The following FREM1 variants were observed in gnomAD, a reference collection of about 807,000 sequenced individuals.
FREM1 encodes FRAS1-related extracellular matrix protein 1.
Under a neutral mutation model 210.1 loss-of-function variants are expected in FREM1, and 220 were observed. The observed-to-expected ratio is 1.05, with a 90% CI of 0.94 to 1.17. The LOEUF is 1.17. Among genes scored for constraint, FREM1 ranks in the 50% most tolerant of loss-of-function variants. The probability of loss-of-function intolerance (pLI) is 0.00; values close to 1 mark genes in which losing one functional copy is unlikely to be tolerated. For missense variants in FREM1, 3,454 were observed against 2,675.5 expected (o/e 1.29, Z -6.42); for synonymous variants, 1,189 against 980.2 (o/e 1.21, Z -3.98).
chr9:14,860,560 C>CATATATATATACACAT (rs1352930508), intron 3 of FREM1, among the ~76,000 whole-genome samples: 14 of 102,562 alleles, frequency 1.4e-4, no homozygotes, highest in African/African-American at 4.8e-4. Context: ...TATATACACA[C>CATATATATATACACAT]ATATATATAC....
chr9:14,848,658 G>C lies in FREM1; in HGVS notation c.1261+7C>G, dbSNP rs1827118043. The C allele has an allele frequency of 6.5e-7, 1 of 1,542,860 alleles. No individual in the cohort carries two copies. Among genetic ancestry groups the C allele is most frequent in the South Asian group, 1.1e-5 (1 of 89,334 alleles). Reference sequence around the variant, plus strand: ...TATGTTGCTCTATGCCTTATATTGAGCTTTACCTGTATTCCAGGATACACG... The same window carrying C: ...TATGTTGCTCTATGCCTTATATTGACCTTTACCTGTATTCCAGGATACACG... On this transcript the variant is annotated splice_region_variant and intron_variant, in intron 7 of 36. Transcript: ENST00000380880.
chr9:14,806,904 G>T (rs12683064), intron 17 of FREM1, 58 bp from the exon 18 acceptor site: 1 of 1,109,848 alleles, frequency 9.0e-7, no homozygotes, highest in Non-Finnish European at 1.3e-6. Context: ...AACAGACTGG[G>T]TAGGACAAAA....
chr9:14,898,374 A>T (rs1838135813), intron 1 of FREM1, among the ~76,000 whole-genome samples: 2 of 152,258 alleles, frequency 1.3e-5, no homozygotes, highest in African/African-American at 4.8e-5. Context: ...TCTATTGAAG[A>T]AAAATTTTTC....
intron 27 of FREM1, among the ~76,000 whole-genome samples, chr9:14,762,467 G>A (rs1845674388): frequency 6.6e-6 from 1 of 152,158 alleles, no homozygotes; most frequent in Admixed American, 6.6e-5. Context: ...AAATTCAGAA[G>A]GGAACCATTC....
At chr9:14,830,628 G>C (rs527708351) in intron 10 of FREM1, among the ~76,000 whole-genome samples, 1 of 152,052 alleles carries the variant, frequency 6.6e-6, no homozygotes, top group Non-Finnish European at 1.5e-5. Flanking sequence ...CTCCTCTTTC[G>C]GCTTTGGAGC....
At chr9:14,896,799 A>G (rs1003197970) in intron 1 of FREM1, among the ~76,000 whole-genome samples, 3 of 152,234 alleles carry the variant, frequency 2.0e-5, no homozygotes, top group Non-Finnish European at 2.9e-5. Flanking sequence ...ACTCACCAGT[A>G]TACACTTAAA....
At chr9:14,767,968 G>A (rs1846750058) in intron 27 of FREM1, among the ~76,000 whole-genome samples, 1 of 152,110 alleles carries the variant, frequency 6.6e-6, no homozygotes. Context: ...ACAAAAGCAG[G>A]AGGATATTTA....
rs1237780219 is a variant in FREM1 at position 14,842,402 on chromosome 9, T to C, written c.1652A>G (p.Asp551Gly). ...QGSMLRASDV[D>G]ASDDYIFFNI... ...GAAGAAGATGTAGTCATCACTGGCG[T>C]CCACATCTGAAGCTCGCAGCATGGA... The change falls in exon 9 of 37, where the codon GAC (aspartate) becomes GGC (glycine). Residue 551 changes from aspartate (D) to glycine (G), a missense_variant. Transcript: ENST00000380880. 1.2e-6 allele frequency: 2 copies of C among 1,613,680 alleles called. No individual in the cohort carries two copies. The highest frequency in any genetic ancestry group is 1.7e-6 in the Non-Finnish European group (2 of 1,179,702).
At chr9:14,829,674 A>T (rs1823173569) in intron 10 of FREM1, among the ~76,000 whole-genome samples, 1 of 152,198 alleles carries the variant, frequency 6.6e-6, no homozygotes, top group South Asian at 2.1e-4. Context: ...TGGACTTCCC[A>T]GCCTCCAGAA....
At chr9:14,803,909 A>T (rs80034059) in intron 19 of FREM1, among the ~76,000 whole-genome samples, 6,186 of 152,268 alleles carry the variant, frequency 0.041, 150 homozygotes, top group Non-Finnish European at 0.053. Flanking sequence ...TTCTCCAAGA[A>T]CTTTAATAAA....
chr9:14,792,123 A>C (rs17292106), intron 22 of FREM1, among the ~76,000 whole-genome samples: 14,138 of 152,214 alleles, frequency 0.093, 735 homozygotes, highest in Non-Finnish European at 0.12. Context: ...GATTCAGATA[A>C]TGTTTTAACA....
At chr9:14,881,221 T>C (rs1385965047) in intron 1 of FREM1, among the ~76,000 whole-genome samples, 1 of 152,192 alleles carries the variant, frequency 6.6e-6, no homozygotes, top group African/African-American at 2.4e-5. Context: ...CAAAGGCACA[T>C]AAAACGAAGA....
chr9:14,773,860 G>A (rs911572615), intron 25 of FREM1, among the ~76,000 whole-genome samples: 1 of 152,018 alleles, frequency 6.6e-6, no homozygotes, highest in African/African-American at 2.4e-5. Flanking sequence ...TCTGCACTCA[G>A]AATTTAGAAT....
Position 14,868,760 on chromosome 9 carries a change from C to T in FREM1, c.218G>A (p.Gly73Glu). 1 of 1,610,004 alleles carries T rather than the reference C, an allele frequency of 6.2e-7. No homozygotes were observed. ...AGGACCTACCTGTGGAGTGAGTTTC[C>T]CAACCCTCTGGGTTATTGGCTCATT... ...VMNEPITQRV[G>E]KLTPQVFDCH... The change falls in exon 2 of 37, where the codon GGG becomes GAG. Residue 73 changes from glycine (G) to glutamate (E), a missense_variant. Physicochemically the swap from Gly to Glu is moderately conservative, Grantham distance 98. Transcript: ENST00000380880.
intron 27 of FREM1, among the ~76,000 whole-genome samples, chr9:14,762,808 C>T (rs569977005): frequency 4.5e-5 from 6 of 134,092 alleles, no homozygotes; most frequent in East Asian, 2.3e-4. Flanking sequence ...GATCTTTCTA[C>T]GCAGAGACTG....
chr9:14,807,799 T>C, intron 17 of FREM1, 141 bp downstream of exon 17: 1 of 645,266 alleles, frequency 1.5e-6, no homozygotes, highest in Non-Finnish European at 2.6e-6. Flanking sequence ...TTCCACAAAA[T>C]TTGTGTTGAG....
intron 15 of FREM1, among the ~76,000 whole-genome samples, chr9:14,814,033 C>A (rs1819870933): frequency 6.6e-6 from 1 of 152,150 alleles, no homozygotes; most frequent in South Asian, 2.1e-4. Flanking sequence ...GACACACATT[C>A]CCCACCATCA....
chr9:14,852,770 G>A (rs1335224942), intron 5 of FREM1, among the ~76,000 whole-genome samples: 1 of 152,196 alleles, frequency 6.6e-6, no homozygotes, highest in African/African-American at 2.4e-5. Context: ...AGAGAACCAG[G>A]CTCAGTTACC....
At chr9:14,781,364 T>A (rs1037644972) in intron 24 of FREM1, among the ~76,000 whole-genome samples, 2 of 152,222 alleles carry the variant, frequency 1.3e-5, no homozygotes, top group African/African-American at 4.8e-5. Flanking sequence ...TTATTGTTTA[T>A]TTTCTCCCTA....
Sources: gnomAD v4.1 joint callset for allele counts (sites outside exome capture counted in the v4.1 genomes callset) on GRCh38, gnomAD v4.1.1 for gene constraint, MANE v1.5 for transcripts, NCBI Gene and HGNC (gene_info 2026-07-23, HGNC 2026-07-21) for gene names.